Variants in NLRP14 observed in about 807,000 individuals in gnomAD.
The protein encoded by NLRP14 is NACHT, LRR and PYD domains-containing protein 14.
Under a neutral mutation model 94.7 loss-of-function variants are expected in NLRP14, and 105 were observed. The observed-to-expected ratio is 1.11, with a 90% CI of 0.95 to 1.30. NLRP14 has a LOEUF of 1.30. Ranked by LOEUF, NLRP14 falls within the 50% of genes most tolerant of loss-of-function variation. NLRP14 has a pLI of 0.00. For synonymous variants in NLRP14, 508 were observed against 459.9 expected (o/e 1.10, Z -1.34); for missense variants, 1,362 against 1,254.1 (o/e 1.09, Z -1.30).
At position 7,043,758 on chromosome 11, in the gene NLRP14, G is replaced by C; in HGVS notation, c.1732G>C (p.Gly578Arg). The C allele has an allele frequency of 6.2e-7, 1 of 1,614,072 alleles. No homozygotes were observed. Among genetic ancestry groups the C allele is most frequent in the Non-Finnish European group, 8.5e-7 (1 of 1,179,980 alleles). Residue 578 changes from glycine (G) to arginine (R), a missense_variant, in exon 4 of 12, where the codon GGA becomes CGA. Gly to Arg is a moderately radical substitution (Grantham distance 125, BLOSUM62 -2). Transcript: ENST00000299481. ...GNSDYSPSQL[G>R]FLELFHCLYE... ...CAGTGACTATTCTCCATCACAGCTG[G>C]GATTTCTGGAGTTGTTTCACTGTCT...
chr11:7,084,941 T>C, the NLRP14 span, among the ~76,000 whole-genome samples: 1 of 152,120 alleles, frequency 6.6e-6, no homozygotes, highest in Admixed American at 6.5e-5. Flanking sequence ...AGTGTCAAAA[T>C]TGAATTATAG....
intron 4 of NLRP14, among the ~76,000 whole-genome samples, chr11:7,044,469 A>G (rs1852321727): frequency 6.6e-6 from 1 of 152,156 alleles, no homozygotes; most frequent in Non-Finnish European, 1.5e-5. Flanking sequence ...CGCTTTCTCT[A>G]TTGCCCAGAC....
the NLRP14 span, among the ~76,000 whole-genome samples, chr11:7,081,577 G>A: frequency 6.6e-6 from 1 of 152,038 alleles, no homozygotes; most frequent in Non-Finnish European, 1.5e-5. Flanking sequence ...ATATAAAGAG[G>A]AGTCTTTTTC....
the NLRP14 span, chr11:7,090,751 A>G: frequency 5.5e-6 from 1 of 183,008 alleles, no homozygotes; most frequent in East Asian, 1.6e-4. Flanking sequence ...TTAAGATTTC[A>G]GGGTATCTTT....
At chr11:7,072,110 G>A (rs1480544632), downstream of NLRP14, among the ~76,000 whole-genome samples, 1 of 152,164 alleles carries the variant, frequency 6.6e-6, no homozygotes, top group Non-Finnish European at 1.5e-5. Context: ...AAAACTTGGT[G>A]GCTTAAAACA....
At chr11:7,059,465 C>T (rs1017997191) in intron 8 of NLRP14, among the ~76,000 whole-genome samples, 2 of 151,754 alleles carry the variant, frequency 1.3e-5, no homozygotes, top group Non-Finnish European at 2.9e-5. Flanking sequence ...TATTTTCCCC[C>T]ATATATCAGA....
intron 10 of NLRP14, among the ~76,000 whole-genome samples, chr11:7,069,552 G>A (rs1257333476): frequency 1.3e-5 from 2 of 152,114 alleles, no homozygotes; most frequent in African/African-American, 2.4e-5. Flanking sequence ...TAATGTATTC[G>A]AAATAGGCCA....
the NLRP14 span, among the ~76,000 whole-genome samples, chr11:7,088,633 C>T: frequency 1.3e-5 from 2 of 152,030 alleles, no homozygotes; most frequent in Non-Finnish European, 2.9e-5. Context: ...AACTTGTTAA[C>T]TGTTATTACT....
At chr11:7,053,931 C>A (rs1852480611) in intron 6 of NLRP14, among the ~76,000 whole-genome samples, 1 of 152,048 alleles carries the variant, frequency 6.6e-6, no homozygotes, top group Admixed American at 6.6e-5. Flanking sequence ...ATTAACCATT[C>A]CCCTCTTCCC....
chr11:7,043,916 C>A lies in NLRP14; in HGVS notation c.1890C>A (p.Thr630=), dbSNP rs1385783229. The change falls in exon 4 of 12, where the codon ACC becomes ACA. Residue 630 remains threonine, a synonymous_variant. Transcript: ENST00000299481. Reference sequence around the variant, plus strand: ...TTAAGCACTGCCGGTGTTTGCGGACCATCAGGCTGTCTGTAACTGTGGTAT... The same window carrying A: ...TTAAGCACTGCCGGTGTTTGCGGACAATCAGGCTGTCTGTAACTGTGGTAT... ...FCLKHCRCLR[T]IRLSVTVVFE... The A allele has an allele frequency of 2.5e-6, 4 of 1,614,122 alleles. No individual in the cohort carries two copies. In the South Asian group the frequency reaches 4.4e-5, roughly 18 times the overall value.
At chr11:7,065,953 G>A (rs1174547793) in intron 10 of NLRP14, among the ~76,000 whole-genome samples, 1 of 152,104 alleles carries the variant, frequency 6.6e-6, no homozygotes, top group East Asian at 1.9e-4. Flanking sequence ...GTGAGAATAT[G>A]GGATGTTGGA....
At chr11:7,085,576 T>C in the NLRP14 span, among the ~76,000 whole-genome samples, 45 of 152,342 alleles carry the variant, frequency 3.0e-4, no homozygotes, top group South Asian at 9.1e-3. Flanking sequence ...TAAGGCTAAA[T>C]AATATTTTAT....
At chr11:7,041,643 A>T (rs1428587463) in intron 3 of NLRP14, among the ~76,000 whole-genome samples, 4 of 152,224 alleles carry the variant, frequency 2.6e-5, no homozygotes, top group Non-Finnish European at 5.9e-5. Flanking sequence ...GCAATGATGA[A>T]GCCCCTAGCC....
At chr11:7,069,435 C>T (rs936503215) in intron 10 of NLRP14, among the ~76,000 whole-genome samples, 5 of 152,170 alleles carry the variant, frequency 3.3e-5, no homozygotes, top group Admixed American at 6.5e-5. Flanking sequence ...CCTCAGTTCA[C>T]GTATATACTA....
the NLRP14 span, chr11:7,090,121 A>G: frequency 6.2e-7 from 1 of 1,612,252 alleles, no homozygotes; most frequent in Non-Finnish European, 8.5e-7. Flanking sequence ...GGCCGGAGCG[A>G]CCGCTACTCG....
chr11:7,089,387 C>G, the NLRP14 span: 11 of 1,598,988 alleles, frequency 6.9e-6, no homozygotes, highest in South Asian at 1.1e-5. Flanking sequence ...AACCGGCGTT[C>G]GAGAGCAGCC....
intron 9 of NLRP14, 36 bp downstream of exon 9, chr11:7,060,100 A>C: frequency 6.4e-7 from 1 of 1,561,080 alleles, no homozygotes; most frequent in Non-Finnish European, 8.8e-7. Flanking sequence ...GTGTAGTTTC[A>C]ACAACAGAGT....
chr11:7,038,981 G>A (rs1565014480), intron 2 of NLRP14, 106 bp downstream of exon 2: 4 of 1,073,156 alleles, frequency 3.7e-6, no homozygotes, highest in Non-Finnish European at 5.3e-6. Context: ...ACCATGTTGG[G>A]GGACATAAGC....
downstream of NLRP14, among the ~76,000 whole-genome samples, chr11:7,073,276 TC>T (rs1852828830): frequency 6.6e-6 from 1 of 152,216 alleles, no homozygotes; most frequent in Non-Finnish European, 1.5e-5. Flanking sequence ...TTTGTGGCCT[TC>T]CTTAGTTCAC....
Sources: allele counts gnomAD v4.1 joint callset (sites outside exome capture counted in the v4.1 genomes callset), GRCh38; gene constraint gnomAD v4.1.1; transcripts MANE v1.5; gene names NCBI Gene and HGNC (gene_info 2026-07-23, HGNC 2026-07-21).